VPS4B: variants seen among roughly 807,000 people sequenced by gnomAD.
The protein encoded by VPS4B is vacuolar protein sorting-associated protein 4B.
In VPS4B, 23 loss-of-function variants were observed where a neutral mutation model predicts 56.1. The observed-to-expected ratio is 0.41, with a 90% CI of 0.30 to 0.58. The LOEUF is 0.58. Ranked by LOEUF, VPS4B falls within the 20% of genes least tolerant of loss-of-function variation. The pLI is 0.29. For synonymous variants in VPS4B, 177 were observed against 186.0 expected, an observed-to-expected ratio of 0.95 and a Z score of 0.39; for missense variants, 372 against 531.9, an observed-to-expected ratio of 0.70 and a Z score of 2.96.
intron 9 of VPS4B, among the ~76,000 whole-genome samples, chr18:63,395,907 G>GCACA (rs2144412507): frequency 6.6e-6 from 1 of 152,288 alleles, no homozygotes; most frequent in South Asian, 2.1e-4. Context: ...CAAATCACAT[G>GCACA]TCTGTCCCAC....
At chr18:63,395,203 T>C (rs1915643285) in intron 9 of VPS4B, among the ~76,000 whole-genome samples, 1 of 152,192 alleles carries the variant, frequency 6.6e-6, no homozygotes, top group Non-Finnish European at 1.5e-5. Flanking sequence ...ATATGCAGAA[T>C]TGAGTGACAA....
rs745851525 is a variant in VPS4B at position 63,422,245 on chromosome 18, C to T, written c.15G>A (p.Ser5=). The T allele has an allele frequency of 1.3e-6, 2 of 1,512,240 alleles. No individual in the cohort carries two copies. The highest frequency in any genetic ancestry group is 1.3e-5 in the South Asian group (1 of 79,466). The allele number at this position is 1,512,240 out of a possible 1,614,324, so 93.7% of individuals were successfully genotyped here. MSST[S]PNLQKAIDLA... ...TGAGCAATGATACCTGGAGGTTGGG[C>T]GAAGTGGATGACATGGCGGAGTTCC... The change falls in exon 1 of 11, where the codon TCG becomes TCA. Residue 5 remains serine, a synonymous_variant. Transcript: ENST00000238497.
chr18:63,390,458 A>C lies in VPS4B; in HGVS notation c.*517T>G, dbSNP rs1416777255. Reference sequence around the variant, plus strand: ...AAAAACTATTAAGAGCACTGTCTATAATTCAAAATCTTTCAAACCCAATCA... The same window carrying C: ...AAAAACTATTAAGAGCACTGTCTATCATTCAAAATCTTTCAAACCCAATCA... On this transcript the variant is annotated 3_prime_UTR_variant, in exon 11 of 11. Coordinates refer to ENST00000238497, the MANE Select transcript of VPS4B (RefSeq NM_004869.4). 1 of 152,778 alleles carries C rather than the reference A, an allele frequency of 6.5e-6. No individual in the cohort carries two copies. Among genetic ancestry groups the C allele is most frequent in the African/African-American group, 2.4e-5 (1 of 41,464 alleles). The allele number at this position is 152,778 out of a possible 1,614,324, so 9.5% of individuals were successfully genotyped here.
At chr18:63,418,412 A>G (rs1043836915) in intron 1 of VPS4B, among the ~76,000 whole-genome samples, 1 of 151,394 alleles carries the variant, frequency 6.6e-6, no homozygotes, top group African/African-American at 2.4e-5. Context: ...TTCTAGTTTT[A>G]GTATTTTTTT....
intron 5 of VPS4B, among the ~76,000 whole-genome samples, 163 bp from the exon 6 acceptor site, chr18:63,400,866 C>A (rs537152579): frequency 2.4e-4 from 37 of 152,262 alleles, no homozygotes; most frequent in South Asian, 8.3e-4. Flanking sequence ...TATTTTGTTT[C>A]TTCTAGAGAC....
chr18:63,418,972 G>C (rs551028211), intron 1 of VPS4B, among the ~76,000 whole-genome samples: 18 of 152,008 alleles, frequency 1.2e-4, no homozygotes, highest in Non-Finnish European at 2.5e-4. Context: ...TCTCAAACTC[G>C]ACAAGTTTAG....
intron 5 of VPS4B, 67 bp downstream of exon 5, chr18:63,403,640 G>A: frequency 6.9e-7 from 1 of 1,459,112 alleles, no homozygotes; most frequent in Non-Finnish European, 9.3e-7. Context: ...GAATGACAAT[G>A]CTTCACCTCA....
chr18:63,389,585 A>C lies in VPS4B; in HGVS notation c.*1390T>G, dbSNP rs975234913. The C allele has an allele frequency of 1.7e-4, 26 of 150,344 alleles. No homozygotes were observed. The highest frequency in any genetic ancestry group is 6.0e-4 in the African/African-American group (24 of 40,238). The allele number at this position is 150,344 out of a possible 1,614,324, so 9.3% of individuals were successfully genotyped here. On this transcript the variant is annotated 3_prime_UTR_variant, in exon 11 of 11. Coordinates refer to ENST00000238497, the MANE Select transcript of VPS4B (RefSeq NM_004869.4). The stretch of plus-strand genomic sequence containing the variant: ...ATGCTAAAGTATGAAACACATCCTC[A>C]GATTATTTATTTGAAAATATTAAAA...
intron 9 of VPS4B, chr18:63,396,432 T>TTACCCCA (rs1458438440): frequency 3.9e-5 from 6 of 152,318 alleles, no homozygotes; most frequent in African/African-American, 1.4e-4. Context: ...TTTGTATTTT[T>TTACCCCA]TACAGAGATG....
chr18:63,407,670 C>T (rs896242401), intron 3 of VPS4B, among the ~76,000 whole-genome samples, 171 bp from the exon 4 acceptor site: 7 of 152,068 alleles, frequency 4.6e-5, no homozygotes, highest in African/African-American at 1.7e-4. Flanking sequence ...GAAGCAGTCA[C>T]GTTATCATCA....
In VPS4B at chr18:63,389,326, A is replaced by C. The variant is rs915583255; in HGVS notation, c.*1649T>G. ...TCAATAGGTTATATCAATTTACTTC[A>C]CATAAGAGCATAATTCAGGCCTTTT... On this transcript the variant is annotated 3_prime_UTR_variant, in exon 11 of 11. Coordinates refer to ENST00000238497, the MANE Select transcript of VPS4B (RefSeq NM_004869.4). 6.6e-6 allele frequency: 1 copy of C among 152,630 alleles called. No homozygotes were observed. Among genetic ancestry groups the C allele is most frequent in the African/African-American group, 2.4e-5 (1 of 41,468 alleles). 9.5% of individuals were successfully genotyped at this position (152,630 alleles called of 1,614,324 possible). A position where few individuals can be genotyped will look rare whatever the true frequency, so the allele number is the denominator to read the frequency against.
chr18:63,397,122 C>T lies in VPS4B; in HGVS notation c.1004G>A (p.Gly335Asp). Residue 335 changes from glycine (G) to aspartate (D), a missense_variant, in exon 9 of 11, where the codon GGT (glycine) becomes GAT (aspartate). By Grantham distance (94) the Gly-to-Asp change is moderately conservative. Transcript: ENST00000238497. ...GATACTTATATCTGCCCCTGAATAA[C>T]CATCTGTTTTCCTCCCAAGTTCCCG... ...DFRELGRKTD[G>D]YSGADISIIV... 1 of 1,614,132 alleles carries T rather than the reference C, an allele frequency of 6.2e-7. No individual in the cohort carries two copies. The highest frequency in any genetic ancestry group is 1.1e-5 in the South Asian group (1 of 91,080).
chr18:63,407,682 T>C (rs1488703639), intron 3 of VPS4B, among the ~76,000 whole-genome samples, 183 bp from the exon 4 acceptor site: 2 of 152,164 alleles, frequency 1.3e-5, no homozygotes, highest in African/African-American at 2.4e-5. Flanking sequence ...TTATCATCAA[T>C]AGAGAATCAT....
intron 7 of VPS4B, among the ~76,000 whole-genome samples, chr18:63,399,756 T>C (rs570112906): frequency 6.6e-6 from 1 of 152,288 alleles, no homozygotes; most frequent in African/African-American, 2.4e-5. Flanking sequence ...GAATGAAACA[T>C]GGCAAAATGA....
At chr18:63,421,654 A>T (rs1203718518) in intron 1 of VPS4B, among the ~76,000 whole-genome samples, 1 of 152,154 alleles carries the variant, frequency 6.6e-6, no homozygotes, top group African/African-American at 2.4e-5. Flanking sequence ...GCGGTAGAGG[A>T]GGGGAAGTGG....
chr18:63,420,441 G>A (rs1421172231), intron 1 of VPS4B, among the ~76,000 whole-genome samples: 2 of 151,900 alleles, frequency 1.3e-5, no homozygotes, highest in Non-Finnish European at 2.9e-5. Flanking sequence ...GAGCAAGACT[G>A]TCTCAAAACA....
chr18:63,410,139 G>A (rs994586259), intron 3 of VPS4B, 151 bp downstream of exon 3: 17 of 998,736 alleles, frequency 1.7e-5, no homozygotes, highest in Admixed American at 9.6e-5. Context: ...AATGGGCACG[G>A]CTGTGTTCTG....
chr18:63,389,970 G>C lies in VPS4B; in HGVS notation c.*1005C>G, dbSNP rs975267817. ...TTTTCTTCTTTAAGGTAAAGACAAT[G>C]TCTAATTTAGAAAATCTTCCTCTTG... On this transcript the variant is annotated 3_prime_UTR_variant, in exon 11 of 11. Coordinates refer to ENST00000238497, the MANE Select transcript of VPS4B (RefSeq NM_004869.4). 32 of 152,584 alleles carry C rather than the reference G, an allele frequency of 2.1e-4. No homozygotes were observed. The highest frequency in any genetic ancestry group is 7.7e-4 in the African/African-American group (32 of 41,430). 9.5% of individuals were successfully genotyped at this position (152,584 alleles called of 1,614,324 possible). A position where few individuals can be genotyped will look rare whatever the true frequency, so the allele number is the denominator to read the frequency against.
At chr18:63,402,046 T>C (rs762026315) in intron 5 of VPS4B, among the ~76,000 whole-genome samples, 6 of 152,120 alleles carry the variant, frequency 3.9e-5, no homozygotes, top group Non-Finnish European at 7.4e-5. Context: ...GTGCAAACTA[T>C]GGATGTGTAC....
Sources: allele counts gnomAD v4.1 joint callset (sites outside exome capture counted in the v4.1 genomes callset), GRCh38; gene constraint gnomAD v4.1.1; transcripts MANE v1.5; gene names NCBI Gene and HGNC (gene_info 2026-07-23, HGNC 2026-07-21).